The following MAP3K20 variants were observed in gnomAD, a reference collection of about 807,000 sequenced individuals.
MAP3K20 encodes the protein mitogen-activated protein kinase kinase kinase 20.
In MAP3K20, 40 loss-of-function variants were observed where a neutral mutation model predicts 85.7. That is an observed-to-expected ratio of 0.47 (90% confidence interval 0.36 to 0.61). The LOEUF (loss-of-function observed/expected upper bound fraction) is 0.61, where lower values mean the gene tolerates loss of function less well. MAP3K20 is among the 20% of genes least tolerant of loss of function. The pLI is 0.00. For missense variants in MAP3K20, 817 were observed against 961.7 expected (o/e 0.85, Z 1.99); for synonymous variants, 325 against 327.7 (o/e 0.99, Z 0.09).
intron 1 of MAP3K20, among the ~76,000 whole-genome samples, chr2:173,088,862 A>G (rs998809675): frequency 1.3e-5 from 2 of 152,206 alleles, no homozygotes; most frequent in Admixed American, 6.5e-5. Flanking sequence ...GTTGATTCAC[A>G]TATGTTTATA....
At chr2:173,157,109 A>G (rs75768572) in intron 2 of MAP3K20, among the ~76,000 whole-genome samples, 1 of 152,190 alleles carries the variant, frequency 6.6e-6, no homozygotes, top group Admixed American at 6.5e-5. Context: ...AGTGATGGTT[A>G]TTAAGTATGA....
At chr2:173,233,299 C>T (rs528424948) in intron 14 of MAP3K20, among the ~76,000 whole-genome samples, 1 of 152,284 alleles carries the variant, frequency 6.6e-6, no homozygotes, top group East Asian at 1.9e-4. Flanking sequence ...GTCATTATGA[C>T]CTGGAACAGA....
chr2:173,149,823 C>A (rs4972398), intron 2 of MAP3K20, among the ~76,000 whole-genome samples: 151,114 of 152,366 alleles, frequency 0.99, 74,952 homozygotes, highest in Middle Eastern at 1. Context: ...CACTACTGGA[C>A]AAATAACTCA....
At chr2:173,122,572 T>A (rs1179992789) in intron 2 of MAP3K20, among the ~76,000 whole-genome samples, 1 of 152,160 alleles carries the variant, frequency 6.6e-6, no homozygotes, top group Non-Finnish European at 1.5e-5. Context: ...TTCAAAGGGT[T>A]ATGGGACAAT....
At chr2:173,163,177 T>C (rs953336389) in intron 2 of MAP3K20, among the ~76,000 whole-genome samples, 1 of 152,142 alleles carries the variant, frequency 6.6e-6, no homozygotes, top group Non-Finnish European at 1.5e-5. Flanking sequence ...GTAACATGGG[T>C]AAATTGTGTG....
At chr2:173,193,931 T>G (rs1690741007) in intron 7 of MAP3K20, among the ~76,000 whole-genome samples, 1 of 152,176 alleles carries the variant, frequency 6.6e-6, no homozygotes, top group African/African-American at 2.4e-5. Context: ...TGAAACAAAC[T>G]CGACCACCAG....
intron 11 of MAP3K20, among the ~76,000 whole-genome samples, chr2:173,227,671 A>G (rs1684424366): frequency 6.6e-6 from 1 of 152,184 alleles, no homozygotes; most frequent in South Asian, 2.1e-4. Context: ...GTGATTAGTT[A>G]TTTCATTTAC....
chr2:173,253,503 G>C (rs1446423632), intron 16 of MAP3K20, among the ~76,000 whole-genome samples: 2 of 152,120 alleles, frequency 1.3e-5, no homozygotes, highest in Non-Finnish European at 2.9e-5. Context: ...TGTCCCACTA[G>C]TAATGACTTA....
chr2:173,199,662 GT>G (rs71018542), intron 8 of MAP3K20, among the ~76,000 whole-genome samples: 40,581 of 130,484 alleles, frequency 0.31, 6,262 homozygotes, highest in Non-Finnish European at 0.42. Flanking sequence ...GAGAAAGGTT[GT>G]TTTTTTTTTT....
chr2:173,243,500 G>A (rs1356550327), intron 16 of MAP3K20, among the ~76,000 whole-genome samples: 2 of 152,166 alleles, frequency 1.3e-5, no homozygotes, highest in Admixed American at 1.3e-4. Flanking sequence ...TTGGAACAGG[G>A]GGATGCCAAA....
Position 173,191,039 on chromosome 2 carries a change from G to C in MAP3K20, c.445-1G>C. 1 of 1,613,662 alleles carries C rather than the reference G, an allele frequency of 6.2e-7. No individual in the cohort carries two copies. The highest frequency in any genetic ancestry group is 2.2e-5 in the East Asian group (1 of 44,870). On this transcript the variant is annotated splice_acceptor_variant, in intron 6 of 19. Coordinates refer to ENST00000375213, the MANE Select transcript of MAP3K20 (RefSeq NM_016653.3). LOFTEE classifies it high-confidence loss of function. ...GTTGACACTGATTCCTGTTTTCTCAGATCTGTGACTTTGGTGCCTCTCGGT... is the reference window on the plus strand; with the variant it reads ...GTTGACACTGATTCCTGTTTTCTCACATCTGTGACTTTGGTGCCTCTCGGT...
chr2:173,137,447 A>G (rs766150861), intron 2 of MAP3K20, among the ~76,000 whole-genome samples: 10 of 152,196 alleles, frequency 6.6e-5, no homozygotes, highest in Non-Finnish European at 1.3e-4. Context: ...ATGAATGCAG[A>G]AGACAGAAGC....
chr2:173,214,133 T>C (rs1167802676), intron 10 of MAP3K20: 4 of 152,250 alleles, frequency 2.6e-5, no homozygotes, highest in Non-Finnish European at 5.9e-5. Context: ...GAATGGTTAT[T>C]CTGAAATTCT....
At position 173,232,462 on chromosome 2, in the gene MAP3K20, AC is replaced by A; in HGVS notation, c.1203+5del. On this transcript the variant is annotated splice_donor_region_variant and intron_variant, in intron 14 of 19. Transcript: ENST00000375213. ...AGGGGCATATCATTCACTTCAAGGT[AC>A]CTGAGAAAGGGACAACATTCCATCA... 6.2e-7 allele frequency: 1 copy of A among 1,609,794 alleles called. No individual in the cohort carries two copies. The highest frequency in any genetic ancestry group is 1.1e-5 in the South Asian group (1 of 89,928).
intron 2 of MAP3K20, among the ~76,000 whole-genome samples, chr2:173,134,428 A>ATATATATATTTT (rs56330241): frequency 3.2e-4 from 1 of 3,152 alleles, no homozygotes; most frequent in Non-Finnish European, 6.4e-4. Context: ...ATATATATAT[A>ATATATATATTTT]TTTTTTTTTT....
At chr2:173,144,897 A>G (rs1689093480) in intron 2 of MAP3K20, among the ~76,000 whole-genome samples, 1 of 152,242 alleles carries the variant, frequency 6.6e-6, no homozygotes, top group African/African-American at 2.4e-5. Context: ...AGACAAAAAT[A>G]TAGATGCAAC....
chr2:173,153,083 A>G (rs966245354), intron 2 of MAP3K20, among the ~76,000 whole-genome samples: 1 of 152,202 alleles, frequency 6.6e-6, no homozygotes, highest in African/African-American at 2.4e-5. Context: ...CAAACTTATA[A>G]AAGATTGCTT....
chr2:173,164,885 G>A (rs1452422377), intron 2 of MAP3K20, among the ~76,000 whole-genome samples: 5 of 151,972 alleles, frequency 3.3e-5, no homozygotes, highest in Admixed American at 6.6e-5. Flanking sequence ...TAGAAATGCC[G>A]ATAAAACAAA....
chr2:173,129,176 C>T (rs1305586265), intron 2 of MAP3K20, among the ~76,000 whole-genome samples: 1 of 152,090 alleles, frequency 6.6e-6, no homozygotes, highest in African/African-American at 2.4e-5. Context: ...ATCTGCCCTC[C>T]TCGGCTTCCC....
Sources: gnomAD v4.1 joint callset for allele counts (sites outside exome capture counted in the v4.1 genomes callset) on GRCh38, gnomAD v4.1.1 for gene constraint, MANE v1.5 for transcripts, NCBI Gene and HGNC (gene_info 2026-07-23, HGNC 2026-07-21) for gene names.